PABIR2: variants seen among roughly 807,000 people sequenced by gnomAD.
The protein encoded by PABIR2 is PABIR family member 2.
Under a neutral mutation model 22.8 loss-of-function variants are expected in PABIR2, and 7 were observed. The observed-to-expected ratio is 0.31, with a 90% CI of 0.17 to 0.58. The LOEUF (loss-of-function observed/expected upper bound fraction) is 0.58. PABIR2 is among the 20% of genes least tolerant of loss of function. The probability of loss-of-function intolerance (pLI) is 0.89; values close to 1 mark genes in which losing one functional copy is unlikely to be tolerated. For missense variants in PABIR2, 155 were observed against 205.1 expected, an observed-to-expected ratio of 0.76 and a Z score of 1.49; for synonymous variants, 67 against 73.8, an observed-to-expected ratio of 0.91 and a Z score of 0.47.
At chrX:134,778,250 AT>A (rs1429616631) in intron 9 of PABIR2, among the ~76,000 whole-genome samples, 1 of 102,466 alleles carries the variant, frequency 9.8e-6, no homozygotes, top group Non-Finnish European at 2.0e-5. Flanking sequence ...CACGCCTGTA[AT>A]CCCAGCACTT....
At chrX:134,794,715 C>T (rs1197969683) in intron 1 of PABIR2, among the ~76,000 whole-genome samples, 1 of 111,772 alleles carries the variant, frequency 8.9e-6, no homozygotes, top group Non-Finnish European at 1.9e-5. Context: ...AGGGCGATGC[C>T]CACAATAAGG....
At chrX:134,777,885 G>GT (rs1246080322) in intron 9 of PABIR2, among the ~76,000 whole-genome samples, 5,233 of 80,033 alleles carry the variant, frequency 0.065, 565 homozygotes, top group African/African-American at 0.22. Context: ...TGTTTGGTTG[G>GT]TTTTTTTTTT....
chrX:134,777,792 C>A (rs1012637624), intron 9 of PABIR2, among the ~76,000 whole-genome samples: 3 of 110,521 alleles, frequency 2.7e-5, no homozygotes, highest in Non-Finnish European at 3.8e-5. Context: ...GCCGAGATTG[C>A]ACCATTGCAC....
Position 134,789,316 on chromosome X carries a change from T to A in PABIR2, c.235-50A>T, listed in dbSNP as rs773487698. ...AAAAGGCAGGATCACTGACAAAATA[T>A]TAACTCTTCCACACACTGCAATTTT... On this transcript the variant is annotated intron_variant, in intron 3 of 9. Transcript: ENST00000343004. 4 of 1,189,191 alleles carry A rather than the reference T, an allele frequency of 3.4e-6. No individual in the cohort carries two copies. The South Asian group carries it at 7.1e-5, about 21-fold the overall frequency.
At chrX:134,793,718 T>C in intron 2 of PABIR2, 97 bp downstream of exon 2, 1 of 1,002,396 alleles carries the variant, frequency 1.0e-6, no homozygotes, top group Non-Finnish European at 1.4e-6. Context: ...TTTTCTTTCT[T>C]AAACAATTGT....
At chrX:134,787,099 C>CTT (rs199859091) in intron 7 of PABIR2, among the ~76,000 whole-genome samples, 1 of 94,434 alleles carries the variant, frequency 1.1e-5, no homozygotes, top group Non-Finnish European at 2.2e-5. Context: ...AGTTAATCTT[C>CTT]TTTTTTTTTT....
chrX:134,789,408 G>C, intron 3 of PABIR2, 142 bp from the exon 4 acceptor site: 1 of 870,888 alleles, frequency 1.1e-6, no homozygotes, highest in Non-Finnish European at 1.7e-6. Context: ...CATAATCACA[G>C]TAGAGTGGAA....
rs1262033017 is a variant in PABIR2, at chrX:134,791,344, T to A, written c.178-1708A>T. 9.9e-5 allele frequency among the ~76,000 whole-genome samples: 11 copies of A among 110,921 alleles called. No individual in the cohort carries two copies. The Admixed American group carries it at 1.1e-3, about 11-fold the overall frequency. The stretch of plus-strand genomic sequence containing the variant: ...GTACTGGTGACTTTTGCAAGAACAG[T>A]TTTTTAATGGAGTTGTGGTAGAAGC... On this transcript the variant is annotated intron_variant, in intron 2 of 9. Coordinates refer to ENST00000343004, the MANE Select transcript of PABIR2 (RefSeq NM_001387468.1).
At position 134,778,323 on chromosome X, in the gene PABIR2, G is replaced by A. The variant is rs1031967022; in HGVS notation, c.659+3498C>T. Among the ~76,000 whole-genome samples the A allele has an allele frequency of 5.7e-5, 6 of 104,377 alleles. No individual in the cohort carries two copies. The East Asian group carries it at 1.9e-3, about 33-fold the overall frequency. The allele number at this position is 104,377 out of a possible 115,157, so 90.6% of individuals were successfully genotyped here. A position where few individuals can be genotyped will look rare whatever the true frequency, so the allele number is the denominator to read the frequency against. On this transcript the variant is annotated intron_variant, in intron 9 of 9. Transcript: ENST00000343004. The stretch of plus-strand genomic sequence containing the variant: ...AGTTCGATACCAGCCTCAACATGGA[G>A]AAACCCTGTCTCTACTAAAAAAAAT...
chrX:134,790,577 T>C (rs1240767225), intron 2 of PABIR2, among the ~76,000 whole-genome samples: 6 of 111,966 alleles, frequency 5.4e-5, no homozygotes, highest in Non-Finnish European at 1.1e-4. Context: ...TTCGCTCTTG[T>C]TGCCCAGGCT....
In PABIR2 at chrX:134,788,736, G is replaced by A. The variant is rs771793362; in HGVS notation, c.429C>T (p.Phe143=). Reference sequence around the variant, plus strand: ...ATCTTGTCAGTTATCCTACCTTTCCGAATCCCCTGGTGGGTGAAGGTGCTG... The same window carrying A: ...ATCTTGTCAGTTATCCTACCTTTCCAAATCCCCTGGTGGGTGAAGGTGCTG... ...VSPAPSPTRG[F]GKMFVSSSGL... The change falls in exon 6 of 10, where the codon TTC becomes TTT. Residue 143 remains phenylalanine (F), a synonymous_variant. Coordinates refer to ENST00000343004, the MANE Select transcript of PABIR2 (RefSeq NM_001387468.1). 18 of 1,199,787 alleles carry A rather than the reference G, an allele frequency of 1.5e-5. No individual in the cohort carries two copies. Among genetic ancestry groups the A allele is most frequent in the South Asian group, 7.2e-5 (4 of 55,716 alleles).
At chrX:134,778,985 T>C (rs1330650579) in intron 9 of PABIR2, among the ~76,000 whole-genome samples, 2 of 110,993 alleles carry the variant, frequency 1.8e-5, no homozygotes, top group East Asian at 5.8e-4. Flanking sequence ...GGCTAATTTT[T>C]TTGTATTTTT....
Position 134,771,963 on chromosome X carries a change from C to T in PABIR2, c.*176G>A. The T allele has an allele frequency of 1.0e-6, 1 of 974,856 alleles. No individual in the cohort carries two copies. Among genetic ancestry groups the T allele is most frequent in the Non-Finnish European group, 1.3e-6 (1 of 776,504 alleles). 80.3% of individuals were successfully genotyped at this position (974,856 alleles called of 1,213,427 possible). On this transcript the variant is annotated 3_prime_UTR_variant, in exon 10 of 10. Coordinates refer to ENST00000343004, the MANE Select transcript of PABIR2 (RefSeq NM_001387468.1). ...GCAAAACCAGATACTAGTAAGGTCA[C>T]TAGGCTCACAAAATTGAACTTTGGA...
At chrX:134,788,521 T>C (rs1434894464) in intron 6 of PABIR2, among the ~76,000 whole-genome samples, 1 of 106,571 alleles carries the variant, frequency 9.4e-6, no homozygotes, top group East Asian at 2.8e-4. Flanking sequence ...ATATGTTATA[T>C]ATATGTAATA....
At position 134,797,163 on chromosome X, in the gene PABIR2, C is replaced by T; in HGVS notation, c.-958G>A. 8.8e-6 allele frequency: 1 copy of T among 114,051 alleles called. No individual in the cohort carries two copies. The highest frequency in any genetic ancestry group is 1.9e-5 in the Non-Finnish European group (1 of 53,480). The allele number at this position is 114,051 out of a possible 1,213,427, so 9.4% of individuals were successfully genotyped here. A position where few individuals can be genotyped will look rare whatever the true frequency, so the allele number is the denominator to read the frequency against. On this transcript the variant is annotated 5_prime_UTR_variant, in exon 1 of 10. Coordinates refer to ENST00000343004, the MANE Select transcript of PABIR2 (RefSeq NM_001387468.1). ...TCCCACGCTTCAGAAGCGGGAACCT[C>T]CGCTGGGCCAGTTCTTCCGCGTCCG... is the stretch of plus-strand genomic sequence containing the variant.
At chrX:134,781,216 T>A (rs1440427320) in intron 9 of PABIR2, among the ~76,000 whole-genome samples, 1 of 112,824 alleles carries the variant, frequency 8.9e-6, no homozygotes, top group Non-Finnish European at 1.9e-5. Context: ...CCAAATGAAA[T>A]ACTGTTGACT....
At chrX:134,783,788 T>C (rs2079221536) in intron 8 of PABIR2, among the ~76,000 whole-genome samples, 1 of 109,104 alleles carries the variant, frequency 9.2e-6, no homozygotes, top group Admixed American at 9.8e-5. Context: ...TTATTGTTAA[T>C]GGCTGGGCAT....
intron 1 of PABIR2, 104 bp from the exon 2 acceptor site, chrX:134,793,997 G>A (rs1480800858): frequency 4.5e-6 from 5 of 1,121,542 alleles, no homozygotes; most frequent in South Asian, 2.2e-5. Flanking sequence ...AGTTAACAAC[G>A]AAATCTTCCA....
chrX:134,789,186 C>T, intron 4 of PABIR2, 37 bp downstream of exon 4: 1 of 1,212,011 alleles, frequency 8.3e-7, no homozygotes, highest in Non-Finnish European at 1.1e-6. Context: ...AAACAAGACA[C>T]TTATTAGGCT....
Sources: allele counts gnomAD v4.1 joint callset (sites outside exome capture counted in the v4.1 genomes callset), GRCh38; gene constraint gnomAD v4.1.1; transcripts MANE v1.5; gene names NCBI Gene and HGNC (gene_info 2026-07-23, HGNC 2026-07-21).